Variants in NBPF6 observed in about 807,000 individuals in gnomAD.
NBPF6 encodes the protein NBPF family member NBPF6.
Under a neutral mutation model 20.8 loss-of-function variants are expected in NBPF6, and 2 were observed. That is an observed-to-expected ratio of 0.10 (90% CI 0.04 to 0.30). NBPF6 has a LOEUF of 0.30. Ranked by LOEUF, NBPF6 falls within the 10% of genes least tolerant of loss-of-function variation. The pLI is 1.00. For missense variants in NBPF6, 85 were observed against 260.3 expected (o/e 0.33, Z 4.63); for synonymous variants, 24 against 100.0 (o/e 0.24, Z 4.53).
At position 108,470,687 on chromosome 1, in the gene NBPF6, C is replaced by T. The variant is rs546147710; in HGVS notation, c.*49C>T. 7.2e-5 allele frequency: 106 copies of T among 1,471,868 alleles called. No homozygotes were observed. The highest frequency in any genetic ancestry group is 9.7e-5 in the Non-Finnish European group (105 of 1,082,954). 91.2% of individuals were successfully genotyped at this position (1,471,868 alleles called of 1,614,324 possible). Reference sequence around the variant, plus strand: ...TTCCACTTGATAAAAACAACTAAAACAGCAAAGCAAGTTTAAGTCCAAACA... The same window carrying T: ...TTCCACTTGATAAAAACAACTAAAATAGCAAAGCAAGTTTAAGTCCAAACA... On this transcript the variant is annotated 3_prime_UTR_variant, in exon 15 of 15. Transcript: ENST00000495380.
chr1:108,435,827 G>T, the NBPF6 span, among the ~76,000 whole-genome samples: 1 of 50,768 alleles, frequency 2.0e-5, no homozygotes, highest in Non-Finnish European at 5.3e-5. Context: ...TGGTAAATAC[G>T]CAGGACCCCC....
intron 2 of NBPF6, 91 bp downstream of exon 2, chr1:108,450,870 TC>T (rs1296283655): frequency 1.4e-6 from 1 of 718,716 alleles, no homozygotes; most frequent in Non-Finnish European, 2.3e-6. Context: ...ATTAATTTCA[TC>T]CTTCCCATAC....
Position 108,470,713 on chromosome 1 carries a change from C to A in NBPF6, c.*75C>A, listed in dbSNP as rs1222346249. On this transcript the variant is annotated 3_prime_UTR_variant, in exon 15 of 15. Transcript: ENST00000495380. ...AGCAAAGCAAGTTTAAGTCCAAACA[C>A]AATACTGCAGGGGTCCTTCACTGAG... The A allele has an allele frequency of 9.6e-6, 11 of 1,146,712 alleles. No homozygotes were observed. The highest frequency in any genetic ancestry group is 2.6e-5 in the East Asian group (1 of 38,938). The allele number at this position is 1,146,712 out of a possible 1,614,324, so 71.0% of individuals were successfully genotyped here.
At chr1:108,449,259 G>T (rs1652734484), upstream of NBPF6, among the ~76,000 whole-genome samples, 1 of 10,144 alleles carries the variant, frequency 9.9e-5, no homozygotes, top group African/African-American at 1.3e-4. Flanking sequence ...TGAGGAGGTG[G>T]TTTGGGGGAG....
chr1:108,469,253 T>C (rs940080445), intron 14 of NBPF6, among the ~76,000 whole-genome samples: 1 of 151,610 alleles, frequency 6.6e-6, no homozygotes, highest in Non-Finnish European at 1.5e-5. Context: ...ATATTACATA[T>C]AGTGGAATTT....
Position 108,468,053 on chromosome 1 carries a change from T to C in NBPF6, c.1875+388T>C, listed in dbSNP as rs4044542. Among the ~76,000 whole-genome samples, 125 of 150,938 alleles carry C rather than the reference T, an allele frequency of 8.3e-4. 7 individuals are homozygous for C. The highest frequency in any genetic ancestry group is 1.5e-3 in the Non-Finnish European group (100 of 67,724). On this transcript the variant is annotated intron_variant, in intron 14 of 14. Transcript: ENST00000495380. ...TCCCCAACTCCATTGCCTCTTTGTG[T>C]AGAAATCATTGCTTTAATACGTCAT...
Position 108,465,375 on chromosome 1 carries a change from C to A in NBPF6, c.1611C>A (p.Thr537=). The A allele has an allele frequency of 2.1e-6, 2 of 955,272 alleles. 1 individual carries two copies. 59.2% of individuals were successfully genotyped at this position (955,272 alleles called of 1,614,324 possible). ...CCCAGCGGGGCCTTTCCTCCACCAC[C>A]TGCAGCTTCTCAGCCAATGCTGATT... is the stretch of plus-strand genomic sequence containing the variant. The part of the protein sequence containing the change: ...GLAQRGLSST[T]CSFSANADSG... The change falls in exon 13 of 15, where the codon ACC becomes ACA. Residue 537 remains threonine, a synonymous_variant. Coordinates refer to ENST00000495380, the MANE Select transcript of NBPF6 (RefSeq NM_001143988.2).
rs1207449697 is a variant in NBPF6, at chr1:108,468,864, T to TA, written c.1875+1200dup. 2.3e-5 allele frequency among the ~76,000 whole-genome samples: 3 copies of TA among 129,746 alleles called. 1 individual carries two copies. The highest frequency in any genetic ancestry group is 4.8e-5 in the Non-Finnish European group (3 of 62,016). The allele number at this position is 129,746 out of a possible 152,430, so 85.1% of individuals were successfully genotyped here. On this transcript the variant is annotated intron_variant, in intron 14 of 14. Coordinates refer to ENST00000495380, the MANE Select transcript of NBPF6 (RefSeq NM_001143988.2). ...AAGATGAATGCCTTCAACTTACACT[T>TA]AGAGATGCTCACTTACATGGCCTGG...
rs543004174 is a variant in NBPF6 at position 108,470,903 on chromosome 1, C to T, written c.*265C>T. ...TGGCGTTAGCCCTGTTTCTCAATTC[C>T]CATCATGTAGAGAACAGGAGTCCGC... On this transcript the variant is annotated 3_prime_UTR_variant, in exon 15 of 15. Transcript: ENST00000495380. 3 of 350,100 alleles carry T rather than the reference C, an allele frequency of 8.6e-6. No homozygotes were observed. The highest frequency in any genetic ancestry group is 1.6e-5 in the Non-Finnish European group (3 of 188,364). 21.7% of individuals were successfully genotyped at this position (350,100 alleles called of 1,614,324 possible). A position where few individuals can be genotyped will look rare whatever the true frequency, so the allele number is the denominator to read the frequency against.
chr1:108,449,416 CTATATATATATATATATA>C (rs1165819915), upstream of NBPF6, among the ~76,000 whole-genome samples: 42 of 8,848 alleles, frequency 4.7e-3, 3 homozygotes, highest in Admixed American at 0.013. Flanking sequence ...GTTAGAACAA[CTATATATATATATATATA>C]TATATATATA....
chr1:108,449,415 ACTATATATATATATATATAT>A (rs1434652965), upstream of NBPF6, among the ~76,000 whole-genome samples: 8 of 9,602 alleles, frequency 8.3e-4, no homozygotes, highest in African/African-American at 1.2e-3. Flanking sequence ...TGTTAGAACA[ACTATATATATATATATATAT>A]ATATATATAT....
chr1:108,447,868 C>G (rs1652663208), upstream of NBPF6, among the ~76,000 whole-genome samples: 2 of 147,062 alleles, frequency 1.4e-5, no homozygotes, highest in African/African-American at 2.6e-5. Context: ...GCTTCGACTT[C>G]AGAAACTCAA....
intron 9 of NBPF6, among the ~76,000 whole-genome samples, chr1:108,459,487 A>T (rs1187577858): frequency 6.6e-6 from 1 of 150,632 alleles, no homozygotes. Flanking sequence ...TTGTTATACC[A>T]TGCACAATAT....
chr1:108,469,827 AT>A (rs1217135044), intron 14 of NBPF6, among the ~76,000 whole-genome samples: 2 of 150,356 alleles, frequency 1.3e-5, no homozygotes, highest in East Asian at 1.9e-4. Flanking sequence ...AATTATATAT[AT>A]TTTTTATTTT....
Position 108,470,595 on chromosome 1 carries a change from A to G in NBPF6, c.1876-2A>G, listed in dbSNP as rs771611624. The G allele has an allele frequency of 1.9e-6, 3 of 1,551,894 alleles. No individual in the cohort carries two copies. The highest frequency in any genetic ancestry group is 2.6e-6 in the Non-Finnish European group (3 of 1,147,070). Reference sequence around the variant, plus strand: ...GATTTTTTTTCTCTCTCTCCCCTACAGATACCAAATACTGCTGAAAGGATG... The same window carrying G: ...GATTTTTTTTCTCTCTCTCCCCTACGGATACCAAATACTGCTGAAAGGATG... On this transcript the variant is annotated splice_acceptor_variant, in intron 14 of 14. Coordinates refer to ENST00000495380, the MANE Select transcript of NBPF6 (RefSeq NM_001143988.2). LOFTEE classifies it high-confidence loss of function.
intron 14 of NBPF6, among the ~76,000 whole-genome samples, chr1:108,468,152 C>T (rs1322852623): frequency 6.6e-6 from 1 of 151,390 alleles, no homozygotes; most frequent in Non-Finnish European, 1.5e-5. Flanking sequence ...TCACTTGTTC[C>T]TCTGAATGAG....
Position 108,465,276 on chromosome 1 carries a change from G to A in NBPF6, c.1512G>A (p.Leu504=), listed in dbSNP as rs1419372030. 1 of 1,194,108 alleles carries A rather than the reference G, an allele frequency of 8.4e-7. No homozygotes were observed. The highest frequency in any genetic ancestry group is 2.4e-5 in the Admixed American group (1 of 40,954). 74.0% of individuals were successfully genotyped at this position (1,194,108 alleles called of 1,614,324 possible). Residue 504 remains leucine (L), a synonymous_variant, in exon 13 of 15, where the codon CTG becomes CTA. Coordinates refer to ENST00000495380, the MANE Select transcript of NBPF6 (RefSeq NM_001143988.2). ...RSEVQISQAQ[L]EPSTLVPSCL... is the part of the protein sequence containing the mutation. ...AGGTTCAAATTTCACAGGCACAGCT[G>A]GAACCAAGCACCCTGGTGCCCAGTT... is the stretch of plus-strand genomic sequence containing the variant.
In NBPF6 at chr1:108,470,694, G is replaced by A. The variant is rs889989936; in HGVS notation, c.*56G>A. On this transcript the variant is annotated 3_prime_UTR_variant, in exon 15 of 15. Transcript: ENST00000495380. ...TGATAAAAACAACTAAAACAGCAAA[G>A]CAAGTTTAAGTCCAAACACAATACT... is the stretch of plus-strand genomic sequence containing the variant. The A allele has an allele frequency of 2.8e-5, 39 of 1,376,722 alleles. No homozygotes were observed. The highest frequency in any genetic ancestry group is 4.4e-5 in the African/African-American group (3 of 68,278). 85.3% of individuals were successfully genotyped at this position (1,376,722 alleles called of 1,614,324 possible).
chr1:108,436,747 A>G, the NBPF6 span, among the ~76,000 whole-genome samples: 11 of 91,798 alleles, frequency 1.2e-4, 2 homozygotes, highest in African/African-American at 3.7e-4. Context: ...TATACTTTCA[A>G]CAAATGGTAG....
Sources: allele counts gnomAD v4.1 joint callset (sites outside exome capture counted in the v4.1 genomes callset), GRCh38; gene constraint gnomAD v4.1.1; transcripts MANE v1.5; gene names NCBI Gene and HGNC (gene_info 2026-07-23, HGNC 2026-07-21).